The following GPC6 variants were observed in gnomAD, a reference collection of about 807,000 sequenced individuals.
GPC6 encodes the protein glypican 6.
GPC6 carries 14 observed loss-of-function variants against 55.2 expected under a neutral mutation model. That is an observed-to-expected ratio of 0.25 (90% CI 0.17 to 0.40). The LOEUF (loss-of-function observed/expected upper bound fraction) is 0.40, where lower values mean the gene tolerates loss of function less well. GPC6 is among the 10% of genes least tolerant of loss of function. The pLI is 1.00. For synonymous variants in GPC6, 278 were observed against 259.6 expected (o/e 1.07, Z -0.68); for missense variants, 641 against 708.5 (o/e 0.90, Z 1.08).
intron 8 of GPC6, among the ~76,000 whole-genome samples, chr13:94,399,762 C>A (rs557030879): frequency 6.6e-6 from 1 of 152,140 alleles, no homozygotes; most frequent in African/African-American, 2.4e-5. Flanking sequence ...ACCCAATGGA[C>A]GTTATGGCTG....
At chr13:93,433,894 A>G (rs1425798761) in intron 1 of GPC6, among the ~76,000 whole-genome samples, 1 of 152,148 alleles carries the variant, frequency 6.6e-6, no homozygotes, top group African/African-American at 2.4e-5. Flanking sequence ...GAAACATGCC[A>G]CTCCGGATCC....
At chr13:93,649,101 T>C (rs542370275) in intron 2 of GPC6, among the ~76,000 whole-genome samples, 1 of 152,298 alleles carries the variant, frequency 6.6e-6, no homozygotes, top group South Asian at 2.1e-4. Context: ...ACTATATGGA[T>C]CTGCCATTTT....
At chr13:93,621,850 C>T (rs941537042) in intron 2 of GPC6, among the ~76,000 whole-genome samples, 1 of 152,068 alleles carries the variant, frequency 6.6e-6, no homozygotes, top group Admixed American at 6.6e-5. Flanking sequence ...TGAATATTTA[C>T]CATTTCTCTG....
rs536265219 is a variant in GPC6, at chr13:94,062,343, C to T, written c.877+34449C>T. 5.3e-5 allele frequency among the ~76,000 whole-genome samples: 8 copies of T among 152,154 alleles called. No individual in the cohort carries two copies. In the South Asian group the frequency reaches 8.3e-4, roughly 16 times the overall value. Reference sequence around the variant, plus strand: ...CTTGGCTCACTGCAACCTCTGCCTCCGGTTTCAAGCAATTCTCCCGCCTCA... The same window carrying T: ...CTTGGCTCACTGCAACCTCTGCCTCTGGTTTCAAGCAATTCTCCCGCCTCA... On this transcript the variant is annotated intron_variant, in intron 4 of 8. Coordinates refer to ENST00000377047, the MANE Select transcript of GPC6 (RefSeq NM_005708.5).
chr13:93,990,716 T>C (rs563899087), intron 3 of GPC6, among the ~76,000 whole-genome samples: 1 of 151,394 alleles, frequency 6.6e-6, no homozygotes, highest in African/African-American at 2.4e-5. Flanking sequence ...TTTTTTTTAA[T>C]TAGCCAAGCA....
At chr13:93,855,746 T>A (rs1888582324) in intron 3 of GPC6, among the ~76,000 whole-genome samples, 1 of 151,696 alleles carries the variant, frequency 6.6e-6, no homozygotes, top group African/African-American at 2.4e-5. Flanking sequence ...TGTTGTTTTC[T>A]TTTGCATTTC....
At chr13:93,556,044 C>T (rs996626170) in intron 2 of GPC6, among the ~76,000 whole-genome samples, 2 of 152,084 alleles carry the variant, frequency 1.3e-5, no homozygotes, top group South Asian at 2.1e-4. Context: ...ACCTGTTGCC[C>T]GTCAAATAAT....
chr13:93,964,487 A>T (rs1432549131), intron 3 of GPC6, among the ~76,000 whole-genome samples: 3 of 152,130 alleles, frequency 2.0e-5, no homozygotes, highest in African/African-American at 7.2e-5. Flanking sequence ...CCAGCACAAA[A>T]CCCTTTAATG....
chr13:93,231,389 A>G (rs1179222658), intron 1 of GPC6, among the ~76,000 whole-genome samples: 1 of 20,910 alleles, frequency 4.8e-5, no homozygotes, highest in Non-Finnish European at 8.9e-5. Flanking sequence ...ACATATATAT[A>G]TATATATGTA....
intron 2 of GPC6, among the ~76,000 whole-genome samples, chr13:93,568,281 T>G (rs907857334): frequency 3.9e-5 from 6 of 152,236 alleles, no homozygotes; most frequent in African/African-American, 1.4e-4. Context: ...ATATTAAATC[T>G]TATTAACTAG....
chr13:93,522,029 GT>G (rs1441837074), intron 1 of GPC6, among the ~76,000 whole-genome samples: 1 of 151,738 alleles, frequency 6.6e-6, no homozygotes, highest in Non-Finnish European at 1.5e-5. Context: ...CTATTGTGCT[GT>G]TTCATTTTAT....
chr13:94,166,602 C>A (rs933647274), intron 4 of GPC6, among the ~76,000 whole-genome samples: 4 of 152,082 alleles, frequency 2.6e-5, no homozygotes, highest in Non-Finnish European at 5.9e-5. Context: ...CAAATCAGCC[C>A]CCTCCCCCTG....
chr13:93,710,334 GACTT>G (rs1883010201), intron 2 of GPC6, among the ~76,000 whole-genome samples: 1 of 151,770 alleles, frequency 6.6e-6, no homozygotes, highest in African/African-American at 2.4e-5. Flanking sequence ...ACCTCAGGTG[GACTT>G]TAAATGACCC....
At chr13:93,523,874 T>C (rs1407735083) in intron 1 of GPC6, among the ~76,000 whole-genome samples, 2 of 151,898 alleles carry the variant, frequency 1.3e-5, no homozygotes, top group African/African-American at 4.8e-5. Flanking sequence ...CCAGGTGCAC[T>C]GGAAGATTTG....
chr13:93,892,944 G>T (rs991121694), intron 3 of GPC6, among the ~76,000 whole-genome samples: 1 of 151,358 alleles, frequency 6.6e-6, no homozygotes, highest in Non-Finnish European at 1.5e-5. Flanking sequence ...ATTTGGAAAT[G>T]CAAAGTATAA....
intron 6 of GPC6, among the ~76,000 whole-genome samples, chr13:94,375,028 A>C (rs1158024251): frequency 2.0e-5 from 3 of 149,734 alleles, no homozygotes; most frequent in African/African-American, 7.5e-5. Flanking sequence ...ACAAAGACAC[A>C]ACATACCAGA....
intron 1 of GPC6, among the ~76,000 whole-genome samples, chr13:93,499,237 A>G (rs1022878495): frequency 2.0e-4 from 30 of 152,234 alleles, no homozygotes; most frequent in African/African-American, 7.2e-4. Flanking sequence ...AAGGATATGG[A>G]TTATTGGTTT....
intron 4 of GPC6, among the ~76,000 whole-genome samples, chr13:94,062,991 G>A (rs892779425): frequency 1.6e-4 from 24 of 152,256 alleles, no homozygotes; most frequent in African/African-American, 5.3e-4. Flanking sequence ...TCTTCCAGCC[G>A]CTAGGCACGG....
intron 1 of GPC6, among the ~76,000 whole-genome samples, chr13:93,412,634 G>A (rs1594151868): frequency 6.6e-6 from 1 of 152,252 alleles, no homozygotes; most frequent in East Asian, 1.9e-4. Flanking sequence ...TCCAACCTGG[G>A]TGACAGAGTG....
Sources: allele counts gnomAD v4.1 joint callset (sites outside exome capture counted in the v4.1 genomes callset), GRCh38; gene constraint gnomAD v4.1.1; transcripts MANE v1.5; gene names NCBI Gene and HGNC (gene_info 2026-07-23, HGNC 2026-07-21).